FRMPD4: variants seen among roughly 807,000 people sequenced by gnomAD.
FRMPD4 encodes FERM and PDZ domain-containing protein 4.
Under a neutral mutation model 94.1 loss-of-function variants are expected in FRMPD4, and 22 were observed. The ratio of observed to expected loss-of-function variants is 0.23; its 90% CI spans 0.17 to 0.33. The LOEUF (loss-of-function observed/expected upper bound fraction) is 0.33, where lower values mean the gene tolerates loss of function less well. Ranked by LOEUF, FRMPD4 falls within the 10% of genes least tolerant of loss-of-function variation. FRMPD4 has a pLI of 1.00. For synonymous variants in FRMPD4, 631 were observed against 548.6 expected (o/e 1.15, Z -2.10); for missense variants, 1,111 against 1,339.9 (o/e 0.83, Z 2.67).
intron 3 of FRMPD4, among the ~76,000 whole-genome samples, chrX:12,025,062 T>C (rs748910464): frequency 9.0e-6 from 1 of 111,633 alleles, no homozygotes; most frequent in African/African-American, 3.3e-5. Context: ...TTTTTTTCTC[T>C]TGGCTCTATA....
At chrX:12,534,951 G>A (rs745528090) in intron 2 of FRMPD4, among the ~76,000 whole-genome samples, 1 of 111,464 alleles carries the variant, frequency 9.0e-6, no homozygotes, top group East Asian at 2.8e-4. Flanking sequence ...GAGGGGCCAG[G>A]GGCAGAATGA....
chrX:12,640,064 C>T (rs2059480372), intron 4 of FRMPD4, among the ~76,000 whole-genome samples: 1 of 110,200 alleles, frequency 9.1e-6, no homozygotes. Context: ...TTTGGGAGGC[C>T]AAGGCGGGTG....
chrX:11,849,332 A>G (rs964606825), intron 1 of FRMPD4, among the ~76,000 whole-genome samples: 1 of 111,910 alleles, frequency 8.9e-6, no homozygotes, highest in Non-Finnish European at 1.9e-5. Context: ...TATCATTAAG[A>G]TGTCAATACT....
chrX:12,447,335 C>T (rs2057210123), intron 1 of FRMPD4, among the ~76,000 whole-genome samples: 1 of 111,740 alleles, frequency 8.9e-6, no homozygotes, highest in South Asian at 3.7e-4. Flanking sequence ...TTTTCACCCC[C>T]CAGTTGTGAC....
At chrX:12,329,872 A>AAC (rs1569233320) in intron 1 of FRMPD4, among the ~76,000 whole-genome samples, 3 of 108,717 alleles carry the variant, frequency 2.8e-5, no homozygotes, top group African/African-American at 1.0e-4. Context: ...AAAAAAAAAA[A>AAC]AACAACAACA....
At chrX:11,824,421 A>G (rs1250814141) in intron 1 of FRMPD4, among the ~76,000 whole-genome samples, 1 of 111,605 alleles carries the variant, frequency 9.0e-6, no homozygotes, top group East Asian at 2.8e-4. Context: ...TTGGCCATTG[A>G]CCTTTGGGGT....
chrX:12,348,589 GAAAAAAAAAA>G (rs35385075), intron 1 of FRMPD4, among the ~76,000 whole-genome samples: 1 of 66,104 alleles, frequency 1.5e-5, no homozygotes, highest in Non-Finnish European at 2.9e-5. Flanking sequence ...ATGCTTCCAG[GAAAAAAAAAA>G]AAAAAAAAAA....
chrX:12,282,659 G>A (rs778079885), intron 1 of FRMPD4, among the ~76,000 whole-genome samples: 3 of 111,917 alleles, frequency 2.7e-5, no homozygotes, highest in Non-Finnish European at 5.6e-5. Flanking sequence ...AACACCATGC[G>A]GTGATAGGAA....
At chrX:12,107,933 A>C (rs2055315085) in intron 3 of FRMPD4, among the ~76,000 whole-genome samples, 1 of 112,143 alleles carries the variant, frequency 8.9e-6, no homozygotes, top group East Asian at 2.8e-4. Flanking sequence ...TGAAAAGACC[A>C]AATCTATGTC....
intron 1 of FRMPD4, among the ~76,000 whole-genome samples, chrX:12,255,047 C>T (rs1442582646): frequency 9.0e-6 from 1 of 111,720 alleles, no homozygotes; most frequent in Non-Finnish European, 1.9e-5. Flanking sequence ...GAGGCAGTGA[C>T]ATGTCAGCCT....
chrX:12,231,050 A>ATAT (rs1555938265), intron 1 of FRMPD4, among the ~76,000 whole-genome samples: 3 of 30,554 alleles, frequency 9.8e-5, no homozygotes, highest in African/African-American at 3.2e-4. Context: ...ATATATATAA[A>ATAT]ATATATATAT....
chrX:12,199,631 A>G (rs1380041070), intron 1 of FRMPD4, among the ~76,000 whole-genome samples: 1 of 111,991 alleles, frequency 8.9e-6, no homozygotes, highest in Non-Finnish European at 1.9e-5. Flanking sequence ...ACAGCAAGAT[A>G]TTAGAAACCA....
intron 1 of FRMPD4, among the ~76,000 whole-genome samples, chrX:11,859,259 A>G (rs1471136102): frequency 8.9e-6 from 1 of 112,197 alleles, no homozygotes; most frequent in Admixed American, 9.5e-5. Flanking sequence ...ATTCTCTGCA[A>G]TAAAGGTGAG....
chrX:12,156,456 G>C (rs1483080892), intron 1 of FRMPD4, among the ~76,000 whole-genome samples: 1 of 111,496 alleles, frequency 9.0e-6, no homozygotes, highest in Non-Finnish European at 1.9e-5. Context: ...ATCTCAAAAG[G>C]GGTGGTTATA....
chrX:12,241,183 A>C (rs1357206649), intron 1 of FRMPD4, among the ~76,000 whole-genome samples: 1 of 112,439 alleles, frequency 8.9e-6, no homozygotes, highest in Non-Finnish European at 1.9e-5. Context: ...AAAGCAGTGT[A>C]TAAAACTGAT....
intron 4 of FRMPD4, among the ~76,000 whole-genome samples, chrX:12,669,561 A>G (rs2059817995): frequency 8.9e-6 from 1 of 112,366 alleles, no homozygotes; most frequent in Non-Finnish European, 1.9e-5. Context: ...GGTCGGCAGA[A>G]TAATGATCGC....
At chrX:11,912,984 A>C (rs2054004827) in intron 3 of FRMPD4, among the ~76,000 whole-genome samples, 1 of 111,659 alleles carries the variant, frequency 9.0e-6, no homozygotes, top group African/African-American at 3.3e-5. Flanking sequence ...CCAAGGCTAA[A>C]GGGAGCCTGA....
intron 1 of FRMPD4, among the ~76,000 whole-genome samples, chrX:11,827,075 TATATATATATAA>T (rs2053447728): frequency 2.0e-5 from 2 of 98,679 alleles, no homozygotes; most frequent in Admixed American, 1.1e-4. Context: ...TATATATATA[TATATATATATAA>T]AATATATATG....
At chrX:12,649,366 A>G (rs981548889) in intron 4 of FRMPD4, among the ~76,000 whole-genome samples, 2 of 111,893 alleles carry the variant, frequency 1.8e-5, no homozygotes, top group Non-Finnish European at 3.8e-5. Flanking sequence ...CTGATTACTA[A>G]TAATTTTTAA....
Sources: allele counts gnomAD v4.1 joint callset (sites outside exome capture counted in the v4.1 genomes callset), GRCh38; gene constraint gnomAD v4.1.1; transcripts MANE v1.5; gene names NCBI Gene and HGNC (gene_info 2026-07-23, HGNC 2026-07-21).